The following FHL1 variants were observed in gnomAD, a reference collection of about 807,000 sequenced individuals.
FHL1 encodes the protein four and a half LIM domains protein 1.
FHL1 carries 1 observed loss-of-function variant against 20.3 expected under a neutral mutation model. The ratio of observed to expected loss-of-function variants is 0.05; its 90% confidence interval spans 0.02 to 0.23. The LOEUF (loss-of-function observed/expected upper bound fraction) is 0.23, where lower values mean the gene tolerates loss of function less well. Among genes scored for constraint, FHL1 ranks in the 10% least tolerant of loss-of-function variants. The pLI is 1.00. For synonymous variants in FHL1, 82 were observed against 88.9 expected (o/e 0.92, Z 0.44); for missense variants, 177 against 234.0 (o/e 0.76, Z 1.59).
rs915865531 is a variant in FHL1 at position 136,199,305 on chromosome X, T to C, written c.22+2171T>C. On this transcript the variant is annotated intron_variant, in intron 1 of 5. Transcript: ENST00000370683. Reference sequence around the variant, plus strand: ...CACCCGATATAATCTAAAATGGCATTAGTTATACATCAGTGACCCAAAAAA... The same window carrying C: ...CACCCGATATAATCTAAAATGGCATCAGTTATACATCAGTGACCCAAAAAA... 8.4e-4 allele frequency among the ~76,000 whole-genome samples: 94 copies of C among 111,954 alleles called. 2 individuals carry two copies. The Admixed American group carries it at 8.6e-3, about 10-fold the overall frequency.
chrX:136,155,134 T>C (rs1169594425), intron 1 of FHL1, among the ~76,000 whole-genome samples: 1 of 112,377 alleles, frequency 8.9e-6, no homozygotes, highest in East Asian at 2.8e-4. Flanking sequence ...TCAGGGTGAC[T>C]CTTTTTTCAG....
chrX:136,166,811 A>G (rs763519195), upstream of FHL1, among the ~76,000 whole-genome samples: 1 of 112,635 alleles, frequency 8.9e-6, no homozygotes, highest in Admixed American at 9.4e-5. Context: ...CACGTTTGAT[A>G]ACAGTTTGAC....
chrX:136,179,429 G>A (rs1172143785), intron 2 of FHL1, among the ~76,000 whole-genome samples: 1 of 111,542 alleles, frequency 9.0e-6, no homozygotes, highest in Non-Finnish European at 1.9e-5. Context: ...CCTGACTTTT[G>A]GTCCTCTCGT....
At chrX:136,180,981 A>G (rs1352660231) in intron 2 of FHL1, among the ~76,000 whole-genome samples, 1 of 111,781 alleles carries the variant, frequency 8.9e-6, no homozygotes, top group Non-Finnish European at 1.9e-5. Flanking sequence ...ACTTGAGGTG[A>G]CCCCACCCGC....
chrX:136,169,175 C>T (rs1469159535), upstream of FHL1: 2 of 113,641 alleles, frequency 1.8e-5, no homozygotes, highest in Non-Finnish European at 3.7e-5. Flanking sequence ...GAATAAAGGT[C>T]GAGGGATTGG....
upstream of FHL1, among the ~76,000 whole-genome samples, chrX:136,196,406 T>G (rs1307288724): frequency 9.0e-6 from 1 of 111,547 alleles, no homozygotes; most frequent in Non-Finnish European, 1.9e-5. Flanking sequence ...AACAAGAGGT[T>G]GAGTTTGTGA....
At chrX:136,178,550 C>T (rs1398538561) in intron 2 of FHL1, among the ~76,000 whole-genome samples, 2 of 110,637 alleles carry the variant, frequency 1.8e-5, no homozygotes, top group African/African-American at 6.6e-5. Context: ...GTGCAGAGAT[C>T]GCACGACTAC....
intron 1 of FHL1, chrX:136,204,697 C>T (rs891125545): frequency 8.9e-6 from 1 of 112,140 alleles, no homozygotes; most frequent in African/African-American, 3.2e-5. Flanking sequence ...AGGCAGAAGG[C>T]CCTGTGGCTC....
chrX:136,166,534 A>G (rs1442002703), upstream of FHL1, among the ~76,000 whole-genome samples: 1 of 112,108 alleles, frequency 8.9e-6, no homozygotes, highest in Non-Finnish European at 1.9e-5. Context: ...AGGAGCAGAC[A>G]GAGAGATGGC....
intron 2 of FHL1, among the ~76,000 whole-genome samples, chrX:136,186,235 T>C (rs2073283765): frequency 9.0e-6 from 1 of 111,206 alleles, no homozygotes; most frequent in African/African-American, 3.3e-5. Flanking sequence ...TCGTGGGTTT[T>C]GGTGCAAAGA....
intron 2 of FHL1, among the ~76,000 whole-genome samples, chrX:136,181,692 G>T (rs2073162229): frequency 1.8e-5 from 2 of 112,150 alleles, no homozygotes; most frequent in Admixed American, 1.9e-4. Context: ...GTGTGTAGCT[G>T]CAGTCAGTTT....
At chrX:136,188,050 C>T (rs929345519) in intron 2 of FHL1, among the ~76,000 whole-genome samples, 1 of 111,409 alleles carries the variant, frequency 9.0e-6, no homozygotes, top group Admixed American at 9.6e-5. Context: ...TCACTGTGAA[C>T]ATATAAAACA....
At chrX:136,194,547 G>A (rs1226446777), upstream of FHL1, among the ~76,000 whole-genome samples, 2 of 111,469 alleles carry the variant, frequency 1.8e-5, no homozygotes, top group Non-Finnish European at 3.8e-5. Context: ...AGACTAGAAG[G>A]CCTGAAATGT....
intron 2 of FHL1, among the ~76,000 whole-genome samples, chrX:136,176,532 C>T (rs140906368): frequency 3.6e-5 from 4 of 111,602 alleles, no homozygotes; most frequent in African/African-American, 9.7e-5. Context: ...TCAAGGGGAA[C>T]GGAGAGCACA....
intron 2 of FHL1, among the ~76,000 whole-genome samples, chrX:136,191,222 C>G (rs896517247): frequency 9.0e-6 from 1 of 111,611 alleles, no homozygotes; most frequent in African/African-American, 3.3e-5. Flanking sequence ...ATACGAATCA[C>G]TGTGGGCCAC....
chrX:136,165,353 C>A (rs1162946163), upstream of FHL1, among the ~76,000 whole-genome samples: 1 of 111,974 alleles, frequency 8.9e-6, no homozygotes, highest in Non-Finnish European at 1.9e-5. Context: ...CCAGTGGCTA[C>A]CTCAGTTGTA....
At chrX:136,166,470 C>T (rs906470700), upstream of FHL1, among the ~76,000 whole-genome samples, 1 of 111,732 alleles carries the variant, frequency 8.9e-6, no homozygotes, top group African/African-American at 3.3e-5. Flanking sequence ...AACTAGAAGA[C>T]ACTTTCCCTG....
chrX:136,209,515 A>T (rs2073947661), intron 5 of FHL1: 2 of 1,064,961 alleles, frequency 1.9e-6, no homozygotes, highest in African/African-American at 3.7e-5. Flanking sequence ...CCTGACCTAA[A>T]TCAAAGAAAC....
chrX:136,191,500 G>A (rs188890123), intron 2 of FHL1, among the ~76,000 whole-genome samples: 319 of 111,877 alleles, frequency 2.9e-3, no homozygotes, highest in Non-Finnish European at 4.8e-3. Flanking sequence ...TTCCACTTCC[G>A]TGCACCATGT....
Sources: allele counts gnomAD v4.1 joint callset (sites outside exome capture counted in the v4.1 genomes callset), GRCh38; gene constraint gnomAD v4.1.1; transcripts MANE v1.5; gene names NCBI Gene and HGNC (gene_info 2026-07-23, HGNC 2026-07-21).